The following COL25A1 variants were observed in gnomAD, a reference collection of about 807,000 sequenced individuals.
COL25A1 encodes the protein collagen type XXV alpha 1 chain.
COL25A1 carries 103 observed loss-of-function variants against 128.4 expected under a neutral mutation model. That is an observed-to-expected ratio of 0.80 (90% confidence interval 0.68 to 0.94). The LOEUF (loss-of-function observed/expected upper bound fraction) is 0.94. Ranked by LOEUF, COL25A1 falls within the 40% of genes least tolerant of loss-of-function variation. The pLI, the probability that COL25A1 is intolerant of heterozygous loss-of-function variation, is 0.00. For missense variants in COL25A1, 745 were observed against 840.0 expected, an observed-to-expected ratio of 0.89 and a Z score of 1.40; for synonymous variants, 279 against 277.2, an observed-to-expected ratio of 1.01 and a Z score of -0.06.
At chr4:109,228,676 C>G (rs1202186928) in intron 3 of COL25A1, among the ~76,000 whole-genome samples, 1 of 152,130 alleles carries the variant, frequency 6.6e-6, no homozygotes, top group Non-Finnish European at 1.5e-5. Context: ...CTTAAGCCAT[C>G]AGAGCAGGCA....
chr4:109,205,354 C>G (rs1288984744), intron 3 of COL25A1, among the ~76,000 whole-genome samples: 1 of 152,112 alleles, frequency 6.6e-6, no homozygotes, highest in Non-Finnish European at 1.5e-5. Flanking sequence ...ATATGGCTGC[C>G]TAGCTAAAGA....
intron 8 of COL25A1, among the ~76,000 whole-genome samples, chr4:108,947,579 C>G (rs533530673): frequency 2.6e-5 from 4 of 152,012 alleles, no homozygotes; most frequent in African/African-American, 9.7e-5. Flanking sequence ...AAGGGATGAG[C>G]AGGGGAAGAG....
At chr4:109,194,073 G>A (rs10488875) in intron 3 of COL25A1, among the ~76,000 whole-genome samples, 10,311 of 152,168 alleles carry the variant, frequency 0.068, 629 homozygotes, top group African/African-American at 0.16. Context: ...ATGAGCAAGC[G>A]AACTTGTTAA....
At chr4:109,254,469 T>TTATA (rs55997800) in intron 3 of COL25A1, among the ~76,000 whole-genome samples, 5,789 of 59,198 alleles carry the variant, frequency 0.098, 401 homozygotes, top group Non-Finnish European at 0.14. Flanking sequence ...AGGCATATGT[T>TTATA]TATATATATA....
Position 108,980,080 on chromosome 4 carries a change from G to A in COL25A1, c.439-5521C>T, listed in dbSNP as rs561856857. Among the ~76,000 whole-genome samples, 9 of 152,276 alleles carry A rather than the reference G, an allele frequency of 5.9e-5. No homozygotes were observed. In the South Asian group the frequency reaches 1.9e-3, roughly 32 times the overall value. On this transcript the variant is annotated intron_variant, in intron 6 of 37. Transcript: ENST00000399132. Reference sequence around the variant, plus strand: ...TGGGGAGTGGAGATAGAAAATAGCAGGAAAGAGATTTTAAAAGGCTGGTTA... The same window carrying A: ...TGGGGAGTGGAGATAGAAAATAGCAAGAAAGAGATTTTAAAAGGCTGGTTA...
At position 108,824,154 on chromosome 4, in the gene COL25A1, T is replaced by C. The variant is rs1270098973; in HGVS notation, c.1845+20A>G. Reference sequence around the variant, plus strand: ...CAGGAGAAGAATCAAACAAGGTACATGCTGGGATGGAGAGGTCACCTTTTC... The same window carrying C: ...CAGGAGAAGAATCAAACAAGGTACACGCTGGGATGGAGAGGTCACCTTTTC... On this transcript the variant is annotated intron_variant, in intron 35 of 37. Transcript: ENST00000399132. 6.2e-7 allele frequency: 1 copy of C among 1,614,082 alleles called. No homozygotes were observed.
At chr4:109,019,170 G>A (rs954957558) in intron 5 of COL25A1, among the ~76,000 whole-genome samples, 9 of 151,872 alleles carry the variant, frequency 5.9e-5, no homozygotes, top group Non-Finnish European at 8.8e-5. Context: ...ATGAAAAAGA[G>A]AGACCGGCCT....
At chr4:108,951,707 T>C (rs1749460018) in intron 8 of COL25A1, among the ~76,000 whole-genome samples, 1 of 152,190 alleles carries the variant, frequency 6.6e-6, no homozygotes, top group Non-Finnish European at 1.5e-5. Flanking sequence ...TCTTAAGTTT[T>C]AAAGTTTTTC....
chr4:109,292,800 A>G (rs1560991342), intron 3 of COL25A1, among the ~76,000 whole-genome samples: 1 of 152,032 alleles, frequency 6.6e-6, no homozygotes, highest in Admixed American at 6.6e-5. Context: ...ATCCTGAGAA[A>G]AGCAGTTATT....
At chr4:109,192,086 C>T (rs1406728542) in intron 3 of COL25A1, among the ~76,000 whole-genome samples, 2 of 152,180 alleles carry the variant, frequency 1.3e-5, no homozygotes, top group East Asian at 3.9e-4. Context: ...GAGCAACAGC[C>T]AAGAGAAATA....
At chr4:109,200,719 T>A (rs967275720) in intron 3 of COL25A1, among the ~76,000 whole-genome samples, 1 of 152,246 alleles carries the variant, frequency 6.6e-6, no homozygotes. Context: ...CCCAAAGTGC[T>A]GGGATTACAG....
At chr4:109,174,618 A>C (rs1282695688) in intron 3 of COL25A1, among the ~76,000 whole-genome samples, 1 of 152,130 alleles carries the variant, frequency 6.6e-6, no homozygotes, top group Admixed American at 6.6e-5. Flanking sequence ...CATGAGAATA[A>C]GTGACTAGGA....
At chr4:108,948,641 A>C (rs868089732) in intron 8 of COL25A1, among the ~76,000 whole-genome samples, 22 of 152,162 alleles carry the variant, frequency 1.4e-4, no homozygotes, top group Non-Finnish European at 2.6e-4. Flanking sequence ...TTTTATAGAT[A>C]CTCTGAATTC....
intron 5 of COL25A1, among the ~76,000 whole-genome samples, chr4:109,023,500 G>A (rs996414380): frequency 6.6e-6 from 1 of 152,200 alleles, no homozygotes; most frequent in African/African-American, 2.4e-5. Flanking sequence ...TTGATAAAGA[G>A]AAAATTTATG....
intron 3 of COL25A1, among the ~76,000 whole-genome samples, chr4:109,151,678 A>G (rs965194833): frequency 4.6e-5 from 7 of 152,156 alleles, no homozygotes; most frequent in African/African-American, 1.7e-4. Context: ...GGTACATACA[A>G]ATCACCACTT....
At chr4:109,107,428 A>G (rs1177592064) in intron 3 of COL25A1, among the ~76,000 whole-genome samples, 2 of 152,212 alleles carry the variant, frequency 1.3e-5, no homozygotes, top group African/African-American at 4.8e-5. Context: ...ATTTAGGAGT[A>G]ATATGTATTA....
chr4:109,109,837 A>C (rs1479540449), intron 3 of COL25A1, among the ~76,000 whole-genome samples: 2 of 152,314 alleles, frequency 1.3e-5, no homozygotes, highest in East Asian at 3.9e-4. Flanking sequence ...ACACGGAAAC[A>C]GAGATGATCA....
intron 3 of COL25A1, among the ~76,000 whole-genome samples, chr4:109,182,934 T>C (rs919565517): frequency 5.3e-5 from 8 of 152,070 alleles, no homozygotes; most frequent in Admixed American, 1.3e-4. Context: ...ATAGAGGTCA[T>C]AGCACACACA....
intron 20 of COL25A1, among the ~76,000 whole-genome samples, chr4:108,863,956 T>A (rs1232677149): frequency 6.6e-6 from 1 of 152,160 alleles, no homozygotes; most frequent in Non-Finnish European, 1.5e-5. Context: ...CGAGCCATGC[T>A]ACCGTCAACC....
Sources: allele counts gnomAD v4.1 joint callset (sites outside exome capture counted in the v4.1 genomes callset), GRCh38; gene constraint gnomAD v4.1.1; transcripts MANE v1.5; gene names NCBI Gene and HGNC (gene_info 2026-07-23, HGNC 2026-07-21).